The following ACOT13 variants were observed in gnomAD, a reference collection of about 807,000 sequenced individuals.
The protein encoded by ACOT13 is acyl-coenzyme A thioesterase 13.
In ACOT13, 10 loss-of-function variants were observed where a neutral mutation model predicts 11.8. The ratio of observed to expected loss-of-function variants is 0.85; its 90% CI spans 0.53 to 1.44. The LOEUF is 1.44. Among genes scored for constraint, ACOT13 ranks in the 40% most tolerant of loss-of-function variants. The pLI, the probability that ACOT13 is intolerant of heterozygous loss-of-function variation, is 0.00. For missense variants in ACOT13, 172 were observed against 174.1 expected (o/e 0.99, Z 0.07); for synonymous variants, 53 against 61.0 (o/e 0.87, Z 0.61).
Position 24,667,114 on chromosome 6 carries a change from C to T in ACOT13, c.-150C>T, listed in dbSNP as rs895958205. ...GCGGACCACCGGGGCTGCCAGCTCGCCTGACTCCCGGCCTCTTGCGCTCCT... is the reference window on the plus strand; with the variant it reads ...GCGGACCACCGGGGCTGCCAGCTCGTCTGACTCCCGGCCTCTTGCGCTCCT... On this transcript the variant is annotated 5_prime_UTR_variant, in exon 1 of 3. Transcript: ENST00000230048. 13 of 898,026 alleles carry T rather than the reference C, an allele frequency of 1.4e-5. No individual in the cohort carries two copies. Among genetic ancestry groups the T allele is most frequent in the Non-Finnish European group, 1.8e-5 (11 of 597,718 alleles). The allele number at this position is 898,026 out of a possible 1,614,324, so 55.6% of individuals were successfully genotyped here.
At position 24,704,552 on chromosome 6, in the gene ACOT13, G is replaced by C. The variant is rs1448986296; in HGVS notation, c.*2937G>C. The C allele has an allele frequency of 6.6e-6, 1 of 152,206 alleles. No homozygotes were observed. Among genetic ancestry groups the C allele is most frequent in the Non-Finnish European group, 1.5e-5 (1 of 68,048 alleles). The allele number at this position is 152,206 out of a possible 1,614,324, so 9.4% of individuals were successfully genotyped here. A position where few individuals can be genotyped will look rare whatever the true frequency, so the allele number is the denominator to read the frequency against. On this transcript the variant is annotated 3_prime_UTR_variant, in exon 3 of 3. Transcript: ENST00000230048. ...GTTGAGAGGTTAAGACAAGAGCTTA[G>C]AAGAGTACCTGGTTATAATAAACAT...
At chr6:24,696,335 AC>A (rs2127628270) in intron 1 of ACOT13, among the ~76,000 whole-genome samples, 1 of 152,270 alleles carries the variant, frequency 6.6e-6, no homozygotes, top group African/African-American at 2.4e-5. Context: ...AGGTGGAAAG[AC>A]CTACATCTAC....
At chr6:24,670,658 A>G (rs1442454262) in intron 1 of ACOT13, among the ~76,000 whole-genome samples, 1 of 152,266 alleles carries the variant, frequency 6.6e-6, no homozygotes, top group African/African-American at 2.4e-5. Flanking sequence ...CAAATAGTTT[A>G]CAAATTCTGG....
intron 1 of ACOT13, among the ~76,000 whole-genome samples, chr6:24,680,679 T>C (rs548018053): frequency 1.3e-5 from 2 of 152,186 alleles, no homozygotes; most frequent in Non-Finnish European, 2.9e-5. Context: ...ACATTGCTTT[T>C]GCGCTCAGGG....
Position 24,675,579 on chromosome 6 carries a change from T to G in ACOT13, c.81+8235T>G, listed in dbSNP as rs182758184. On this transcript the variant is annotated intron_variant, in intron 1 of 2. Transcript: ENST00000230048. ...TTTGCCCACTTTTCGATGGGGTTGTTTGATTTTTTCTTGTAAATTTGTTTA... is the reference window on the plus strand; with the variant it reads ...TTTGCCCACTTTTCGATGGGGTTGTGTGATTTTTTCTTGTAAATTTGTTTA... 8.1e-3 allele frequency among the ~76,000 whole-genome samples: 1,232 copies of G among 152,282 alleles called. 14 individuals carry two copies. Among genetic ancestry groups the G allele is most frequent in the African/African-American group, 0.028 (1,155 of 41,554 alleles).
chr6:24,693,735 T>C (rs1778751624), intron 1 of ACOT13, among the ~76,000 whole-genome samples: 1 of 151,750 alleles, frequency 6.6e-6, no homozygotes, highest in African/African-American at 2.4e-5. Context: ...TCTTTTTTTT[T>C]TTTTTTGAGA....
At chr6:24,681,032 G>C (rs1305212474) in intron 1 of ACOT13, among the ~76,000 whole-genome samples, 1 of 152,204 alleles carries the variant, frequency 6.6e-6, no homozygotes, top group Non-Finnish European at 1.5e-5. Context: ...TCCTAGGTCT[G>C]GTCGGACCTT....
intron 1 of ACOT13, among the ~76,000 whole-genome samples, chr6:24,673,344 A>T (rs192050151): frequency 6.6e-4 from 100 of 152,028 alleles, no homozygotes; most frequent in African/African-American, 2.2e-3. Context: ...TTTCAGTTTT[A>T]AAAAAAAATT....
At chr6:24,678,279 G>A (rs926174141) in intron 1 of ACOT13, among the ~76,000 whole-genome samples, 1 of 152,180 alleles carries the variant, frequency 6.6e-6, no homozygotes, top group South Asian at 2.1e-4. Flanking sequence ...TCTGCTTTCT[G>A]TGGTTTTTGG....
chr6:24,688,708 C>T (rs984843554), intron 1 of ACOT13, among the ~76,000 whole-genome samples: 2 of 152,096 alleles, frequency 1.3e-5, no homozygotes, highest in Non-Finnish European at 2.9e-5. Flanking sequence ...ATGATGTGCA[C>T]CTTAAAAACT....
At chr6:24,682,517 T>A (rs1301175456) in intron 1 of ACOT13, among the ~76,000 whole-genome samples, 3 of 152,196 alleles carry the variant, frequency 2.0e-5, no homozygotes, top group African/African-American at 7.2e-5. Context: ...GTGACTAGTG[T>A]TCAGCTTGAT....
chr6:24,667,409 G>A, intron 1 of ACOT13, 65 bp downstream of exon 1: 2 of 1,422,260 alleles, frequency 1.4e-6, no homozygotes, highest in Admixed American at 3.5e-5. Flanking sequence ...CGTGCTTGGT[G>A]CCGTTGTGAG....
chr6:24,685,169 G>C (rs1778609659), intron 1 of ACOT13, among the ~76,000 whole-genome samples: 1 of 152,148 alleles, frequency 6.6e-6, no homozygotes, highest in Non-Finnish European at 1.5e-5. Context: ...GAACTGTACA[G>C]ATTGATACCA....
chr6:24,671,394 TAG>T (rs1778362449), intron 1 of ACOT13, among the ~76,000 whole-genome samples: 1 of 149,984 alleles, frequency 6.7e-6, no homozygotes, highest in Non-Finnish European at 1.5e-5. Flanking sequence ...TTCTCACTCA[TAG>T]TTGGGAATTG....
At chr6:24,686,173 A>G (rs550246353) in intron 1 of ACOT13, among the ~76,000 whole-genome samples, 4 of 152,328 alleles carry the variant, frequency 2.6e-5, no homozygotes, top group Admixed American at 6.5e-5. Flanking sequence ...GGCCTCTAGG[A>G]ATTTATAACC....
At chr6:24,689,083 T>C (rs4560629) in intron 1 of ACOT13, among the ~76,000 whole-genome samples, 110,068 of 151,394 alleles carry the variant, frequency 0.73, 40,210 homozygotes, top group East Asian at 0.82. Context: ...TCTTTGAACC[T>C]AGGAGGTGGA....
chr6:24,669,540 G>GC (rs71542690), intron 1 of ACOT13, among the ~76,000 whole-genome samples: 4 of 151,994 alleles, frequency 2.6e-5, no homozygotes, highest in Non-Finnish European at 5.9e-5. Flanking sequence ...CTTTACATTT[G>GC]CCCCCTTTTC....
chr6:24,684,492 T>C (rs1156797113), intron 1 of ACOT13, among the ~76,000 whole-genome samples: 1 of 152,214 alleles, frequency 6.6e-6, no homozygotes, highest in African/African-American at 2.4e-5. Flanking sequence ...ACTACATCCT[T>C]GCCTAAGTTG....
chr6:24,670,919 A>G (rs1039851079), intron 1 of ACOT13, among the ~76,000 whole-genome samples: 2 of 152,118 alleles, frequency 1.3e-5, no homozygotes, highest in Admixed American at 6.5e-5. Context: ...TTCTCATGTA[A>G]CAATCTCCAA....
Sources: gnomAD v4.1 joint callset for allele counts (sites outside exome capture counted in the v4.1 genomes callset) on GRCh38, gnomAD v4.1.1 for gene constraint, MANE v1.5 for transcripts, NCBI Gene and HGNC (gene_info 2026-07-23, HGNC 2026-07-21) for gene names.